KCNIP4: variants seen among roughly 807,000 people sequenced by gnomAD.
KCNIP4 encodes Kv channel-interacting protein 4.
KCNIP4 carries 12 observed loss-of-function variants against 34.0 expected under a neutral mutation model. The observed-to-expected ratio is 0.35, with a 90% CI of 0.23 to 0.57. The LOEUF (loss-of-function observed/expected upper bound fraction) is 0.57. KCNIP4 is among the 20% of genes least tolerant of loss of function. The probability of loss-of-function intolerance (pLI) is 0.83; values close to 1 mark genes in which losing one functional copy is unlikely to be tolerated. For synonymous variants in KCNIP4, 124 were observed against 102.2 expected, an observed-to-expected ratio of 1.21 and a Z score of -1.29; for missense variants, 238 against 311.7, an observed-to-expected ratio of 0.76 and a Z score of 1.78.
At chr4:20,738,678 C>T (rs11930930) in intron 5 of KCNIP4, among the ~76,000 whole-genome samples, 526 of 152,306 alleles carry the variant, frequency 3.5e-3, no homozygotes, top group African/African-American at 0.011. Context: ...GCATGAGCAA[C>T]GCAGAAGATG....
intron 1 of KCNIP4, among the ~76,000 whole-genome samples, chr4:21,425,463 G>A (rs192225677): frequency 6.6e-6 from 1 of 152,014 alleles, no homozygotes; most frequent in Admixed American, 6.6e-5. Context: ...TGAAATATGT[G>A]TTAAATATAT....
At chr4:21,930,168 A>G (rs972879375) in intron 1 of KCNIP4, among the ~76,000 whole-genome samples, 8 of 152,148 alleles carry the variant, frequency 5.3e-5, no homozygotes, top group African/African-American at 1.9e-4. Flanking sequence ...TAAAGCAGCC[A>G]TATCCTCAAG....
intron 1 of KCNIP4, among the ~76,000 whole-genome samples, chr4:21,220,164 C>A (rs1302781896): frequency 6.6e-6 from 1 of 152,100 alleles, no homozygotes; most frequent in Non-Finnish European, 1.5e-5. Context: ...CAGGTTCTCC[C>A]TTTAGGTAGG....
chr4:21,076,492 A>G (rs1745496989), intron 1 of KCNIP4, among the ~76,000 whole-genome samples: 1 of 152,118 alleles, frequency 6.6e-6, no homozygotes, highest in African/African-American at 2.4e-5. Context: ...GCAAGGAACC[A>G]ATTTTCATGC....
intron 1 of KCNIP4, among the ~76,000 whole-genome samples, chr4:21,017,355 T>C (rs1739633012): frequency 6.6e-6 from 1 of 152,166 alleles, no homozygotes; most frequent in Non-Finnish European, 1.5e-5. Flanking sequence ...CCCAACCCCC[T>C]GACAGGCTCT....
At chr4:21,505,246 T>G (rs1733738300) in intron 1 of KCNIP4, among the ~76,000 whole-genome samples, 1 of 150,494 alleles carries the variant, frequency 6.6e-6, no homozygotes, top group African/African-American at 2.5e-5. Flanking sequence ...TGGATTTTCT[T>G]ATCACATAAA....
chr4:21,036,240 T>A (rs1357736773), intron 1 of KCNIP4, among the ~76,000 whole-genome samples: 19 of 152,130 alleles, frequency 1.2e-4, no homozygotes, highest in Admixed American at 1.2e-3. Flanking sequence ...TGCACAAAAA[T>A]TCTGCTAGGA....
At chr4:21,095,286 C>A (rs1363874358) in intron 1 of KCNIP4, among the ~76,000 whole-genome samples, 4 of 152,156 alleles carry the variant, frequency 2.6e-5, no homozygotes, top group African/African-American at 9.7e-5. Context: ...CTTGCCCAGG[C>A]AAGAAGAATT....
At chr4:21,294,951 T>A (rs1382581551) in intron 1 of KCNIP4, among the ~76,000 whole-genome samples, 3 of 152,210 alleles carry the variant, frequency 2.0e-5, no homozygotes, top group Non-Finnish European at 1.5e-5. Context: ...GTGTGTGAAA[T>A]TCACCTTTTT....
At chr4:21,143,542 T>C (rs1752126795) in intron 1 of KCNIP4, among the ~76,000 whole-genome samples, 1 of 152,066 alleles carries the variant, frequency 6.6e-6, no homozygotes, top group African/African-American at 2.4e-5. Flanking sequence ...AACCCAGTGG[T>C]AAAGGCAGCT....
At chr4:20,803,006 C>A (rs1292223164) in intron 3 of KCNIP4, among the ~76,000 whole-genome samples, 1 of 142,804 alleles carries the variant, frequency 7.0e-6, no homozygotes, top group East Asian at 2.1e-4. Context: ...ATCTGGGAGG[C>A]GTAGCATGCA....
At chr4:21,453,861 TA>T (rs1728712883) in intron 1 of KCNIP4, among the ~76,000 whole-genome samples, 1 of 152,102 alleles carries the variant, frequency 6.6e-6, no homozygotes, top group Admixed American at 6.6e-5. Context: ...ACCTAAGCTC[TA>T]AAGTCAGACT....
At chr4:20,845,768 G>T (rs904974560) in intron 3 of KCNIP4, among the ~76,000 whole-genome samples, 12 of 152,140 alleles carry the variant, frequency 7.9e-5, no homozygotes, top group African/African-American at 2.9e-4. Flanking sequence ...AGCCTCTAGG[G>T]GCTGCGTGGC....
chr4:21,481,503 T>C (rs1443524122), intron 1 of KCNIP4, among the ~76,000 whole-genome samples: 2 of 152,190 alleles, frequency 1.3e-5, no homozygotes, highest in African/African-American at 4.8e-5. Flanking sequence ...GGATCTCTCA[T>C]AGCCCTGGAG....
At chr4:21,128,036 T>C (rs573593491) in intron 1 of KCNIP4, among the ~76,000 whole-genome samples, 1 of 152,218 alleles carries the variant, frequency 6.6e-6, no homozygotes, top group Non-Finnish European at 1.5e-5. Flanking sequence ...CTATGTTTAT[T>C]AAAAGGGTTC....
chr4:21,638,129 T>G (rs759909779), intron 1 of KCNIP4, among the ~76,000 whole-genome samples: 6 of 152,216 alleles, frequency 3.9e-5, no homozygotes, highest in Non-Finnish European at 7.4e-5. Context: ...TTTACTTCAA[T>G]TGCTGAAGGA....
At chr4:21,186,073 GTCTATT>G (rs1371757266) in intron 1 of KCNIP4, among the ~76,000 whole-genome samples, 1 of 152,088 alleles carries the variant, frequency 6.6e-6, no homozygotes, top group East Asian at 1.9e-4. Flanking sequence ...GTGAATAGCT[GTCTATT>G]TCTATTTGAC....
chr4:21,322,301 G>A (rs879423619), intron 1 of KCNIP4, among the ~76,000 whole-genome samples: 6 of 152,098 alleles, frequency 3.9e-5, no homozygotes, highest in Non-Finnish European at 7.4e-5. Flanking sequence ...GCCAGCTGAG[G>A]AGATGGTATC....
intron 1 of KCNIP4, among the ~76,000 whole-genome samples, chr4:21,096,581 G>A (rs779061385): frequency 2.0e-5 from 3 of 151,958 alleles, no homozygotes; most frequent in Non-Finnish European, 4.4e-5. Context: ...CAACCACCAA[G>A]TATCATGATA....
Sources: gnomAD v4.1 joint callset for allele counts (sites outside exome capture counted in the v4.1 genomes callset) on GRCh38, gnomAD v4.1.1 for gene constraint, MANE v1.5 for transcripts, NCBI Gene and HGNC (gene_info 2026-07-23, HGNC 2026-07-21) for gene names.